Variants in KCTD3 observed in about 807,000 individuals in gnomAD.
The protein encoded by KCTD3 is BTB/POZ domain-containing protein KCTD3.
A neutral mutation model predicts 85.8 loss-of-function variants in KCTD3; 41 were observed. The observed-to-expected ratio is 0.48, with a 90% CI of 0.37 to 0.62. The LOEUF (loss-of-function observed/expected upper bound fraction) is 0.62, where lower values mean the gene tolerates loss of function less well. KCTD3 is among the 20% of genes least tolerant of loss of function. KCTD3 has a pLI of 0.00. For synonymous variants in KCTD3, 338 were observed against 345.4 expected, an observed-to-expected ratio of 0.98 and a Z score of 0.24; for missense variants, 724 against 989.9, an observed-to-expected ratio of 0.73 and a Z score of 3.60.
intron 10 of KCTD3, among the ~76,000 whole-genome samples, chr1:215,601,253 A>G (rs1194123806): frequency 6.7e-6 from 1 of 149,310 alleles, no homozygotes; most frequent in Non-Finnish European, 1.5e-5. Context: ...ATTTTCCTGG[A>G]AAAACTAATT....
At chr1:215,607,086 AAAATT>A (rs1213975877) in intron 13 of KCTD3, among the ~76,000 whole-genome samples, 7 of 151,932 alleles carry the variant, frequency 4.6e-5, no homozygotes, top group South Asian at 4.1e-4. Flanking sequence ...GCTGTTTGCC[AAAATT>A]AAATTTCTTT....
At chr1:215,576,334 G>T (rs1349212697) in intron 4 of KCTD3, among the ~76,000 whole-genome samples, 1 of 151,816 alleles carries the variant, frequency 6.6e-6, no homozygotes, top group Non-Finnish European at 1.5e-5. Flanking sequence ...CTCCCAAAGT[G>T]CAGGGATTAC....
intron 15 of KCTD3, among the ~76,000 whole-genome samples, chr1:215,617,084 G>T: frequency 6.6e-6 from 1 of 152,298 alleles, no homozygotes; most frequent in East Asian, 1.9e-4. Flanking sequence ...AGTTCAGAGC[G>T]CTTCCAGATA....
intron 4 of KCTD3, among the ~76,000 whole-genome samples, chr1:215,576,997 T>G (rs1389119392): frequency 6.6e-6 from 1 of 152,192 alleles, no homozygotes; most frequent in Non-Finnish European, 1.5e-5. Flanking sequence ...AAATTACAAC[T>G]GAAACCTAAG....
At chr1:215,614,548 G>T (rs919018092) in intron 15 of KCTD3, among the ~76,000 whole-genome samples, 11 of 152,118 alleles carry the variant, frequency 7.2e-5, no homozygotes, top group Non-Finnish European at 2.9e-5. Context: ...GTGGTTTGCT[G>T]TATTTCTAGG....
At chr1:215,577,448 T>C (rs910978539) in intron 4 of KCTD3, among the ~76,000 whole-genome samples, 2 of 152,268 alleles carry the variant, frequency 1.3e-5, no homozygotes, top group African/African-American at 4.8e-5. Flanking sequence ...TGTATATATA[T>C]GAATGGTTTT....
intron 15 of KCTD3, among the ~76,000 whole-genome samples, chr1:215,615,660 G>C (rs1655415738): frequency 6.6e-6 from 1 of 151,466 alleles, no homozygotes; most frequent in African/African-American, 2.4e-5. Flanking sequence ...GGGGAAAAAA[G>C]TTCAAAATTA....
chr1:215,577,885 C>G, intron 5 of KCTD3, 116 bp from the exon 6 acceptor site: 2 of 1,459,978 alleles, frequency 1.4e-6, no homozygotes, highest in Non-Finnish European at 1.9e-6. Context: ...TCAACTCTGA[C>G]TTAATTAAAA....
At chr1:215,580,147 A>G in intron 8 of KCTD3, 148 bp downstream of exon 8, 1 of 580,542 alleles carries the variant, frequency 1.7e-6, no homozygotes. Flanking sequence ...CATCTGATTA[A>G]GATTTAGTGT....
At position 215,578,040 on chromosome 1, in the gene KCTD3, C is replaced by A; in HGVS notation, c.356C>A (p.Ser119Tyr). The change falls in exon 6 of 18, where the codon TCT (serine) becomes TAT (tyrosine). Residue 119 changes from serine to tyrosine, a missense_variant. Ser to Tyr is a moderately radical substitution (Grantham distance 144). This residue lies in a region of KCTD3 where 17 missense variants were observed against 40.4 expected (regional missense o/e 0.42). Coordinates refer to ENST00000259154, the MANE Select transcript of KCTD3 (RefSeq NM_016121.5). ...LLLCEELERSSCGSVLFHGYL... is the reference protein window; with the variant it reads ...LLLCEELERSYCGSVLFHGYL... The stretch of plus-strand genomic sequence containing the variant: ...TTATGTGAAGAATTGGAGCGTTCCT[C>A]TTGTGGCAGTGTCCTTTTTCATGGT... The A allele has an allele frequency of 6.2e-7, 1 of 1,612,522 alleles. No homozygotes were observed.
At position 215,620,208 on chromosome 1, in the gene KCTD3, G is replaced by A; in HGVS notation, c.2038G>A (p.Val680Ile). The A allele has an allele frequency of 6.2e-7, 1 of 1,613,912 alleles. No individual in the cohort carries two copies. The highest frequency in any genetic ancestry group is 8.5e-7 in the Non-Finnish European group (1 of 1,179,848). The change falls in exon 18 of 18, where the codon GTA becomes ATA. Residue 680 changes from valine to isoleucine, a missense_variant. Transcript: ENST00000259154. ...DFQTINLNRN[V>I]ERAVPENGNL... ...CCAGACTATTAATTTGAACAGAAATGTAGAAAGAGCTGTCCCTGAAAATGG... is the reference window on the plus strand; with the variant it reads ...CCAGACTATTAATTTGAACAGAAATATAGAAAGAGCTGTCCCTGAAAATGG...
chr1:215,592,901 T>C (rs1306283870), intron 9 of KCTD3, among the ~76,000 whole-genome samples: 1 of 152,220 alleles, frequency 6.6e-6, no homozygotes, highest in Non-Finnish European at 1.5e-5. Flanking sequence ...TTGTCTTCCC[T>C]GTCACTGGTG....
chr1:215,575,022 C>T (rs1659520554), intron 3 of KCTD3, among the ~76,000 whole-genome samples: 1 of 152,058 alleles, frequency 6.6e-6, no homozygotes, highest in African/African-American at 2.4e-5. Context: ...GAGGTCGAGG[C>T]AAGTGGATTA....
intron 8 of KCTD3, among the ~76,000 whole-genome samples, chr1:215,586,058 C>T (rs1049597848): frequency 2.0e-5 from 3 of 152,106 alleles, no homozygotes; most frequent in African/African-American, 7.2e-5. Flanking sequence ...TGATTAATAA[C>T]TGAAAGGAAT....
intron 10 of KCTD3, among the ~76,000 whole-genome samples, chr1:215,599,578 A>G (rs112334310): frequency 9.0e-4 from 137 of 152,322 alleles, no homozygotes; most frequent in African/African-American, 3.2e-3. Flanking sequence ...CATACTAATC[A>G]GTATGGTTTC....
chr1:215,594,805 G>T (rs1571886316), intron 9 of KCTD3, among the ~76,000 whole-genome samples: 1 of 152,106 alleles, frequency 6.6e-6, no homozygotes, highest in East Asian at 1.9e-4. Flanking sequence ...TGAGTAAAAG[G>T]CCCGAATGTT....
chr1:215,599,901 A>G (rs535026926), intron 10 of KCTD3, among the ~76,000 whole-genome samples: 8 of 152,078 alleles, frequency 5.3e-5, no homozygotes, highest in Admixed American at 5.2e-4. Context: ...TGAAAAAAAA[A>G]AAAAAAAAAG....
At position 215,579,093 on chromosome 1, in the gene KCTD3, C is replaced by T. The variant is rs146224994; in HGVS notation, c.491C>T (p.Thr164Ile). The change falls in exon 7 of 18, where the codon ACA (threonine) becomes ATA (isoleucine). Residue 164 changes from threonine (T) to isoleucine (I), a missense_variant. By Grantham distance (89) the Thr-to-Ile change is moderately conservative (BLOSUM62 -1). Around this residue, in one of 6 missense-constraint regions of KCTD3, gnomAD observed 106 missense variants for 98.2 expected, o/e 1.08. Coordinates refer to ENST00000259154, the MANE Select transcript of KCTD3 (RefSeq NM_016121.5). ...STEGEARGNG[T>I]QPVLSGTGEE... ...GAAGGTGAAGCCCGGGGAAATGGTA[C>T]ACAGCCTGTTCTCTCTGGAACGGGA... The T allele has an allele frequency of 3.3e-5, 53 of 1,607,018 alleles. No homozygotes were observed. In the African/African-American group the frequency reaches 5.9e-4, roughly 18 times the overall value.
intron 9 of KCTD3, among the ~76,000 whole-genome samples, chr1:215,593,511 A>G (rs189898846): frequency 1.3e-4 from 20 of 152,330 alleles, no homozygotes; most frequent in African/African-American, 4.1e-4. Flanking sequence ...GTTCTGAACA[A>G]AAAGAGAATA....
Sources: allele counts gnomAD v4.1 joint callset (sites outside exome capture counted in the v4.1 genomes callset), GRCh38; gene constraint gnomAD v4.1.1; regional missense constraint gnomAD v4.1.1; transcripts MANE v1.5; gene names NCBI Gene and HGNC (gene_info 2026-07-23, HGNC 2026-07-21).